The following DIS3L2 variants were observed in gnomAD, a reference collection of about 807,000 sequenced individuals.
DIS3L2 encodes DIS3 like 3'-5' exoribonuclease 2, also known as DIS3-like exonuclease 2.
Under a neutral mutation model 97.5 loss-of-function variants are expected in DIS3L2, and 34 were observed. The observed-to-expected ratio is 0.35, with a 90% CI of 0.27 to 0.46. The LOEUF is 0.46. Among genes scored for constraint, DIS3L2 ranks in the 20% least tolerant of loss-of-function variants. The probability of loss-of-function intolerance (pLI) is 1.00; values close to 1 mark genes in which losing one functional copy is unlikely to be tolerated. For synonymous variants in DIS3L2, 435 were observed against 445.2 expected (o/e 0.98, Z 0.29); for missense variants, 1,038 against 1,146.0 (o/e 0.91, Z 1.36).
intron 13 of DIS3L2, among the ~76,000 whole-genome samples, chr2:232,291,328 A>G (rs1694593308): frequency 6.6e-6 from 1 of 152,266 alleles, no homozygotes; most frequent in African/African-American, 2.4e-5. Context: ...TTTTCTTCTA[A>G]TCAGATTTTT....
intron 6 of DIS3L2, among the ~76,000 whole-genome samples, chr2:232,092,657 A>G (rs548315908): frequency 3.3e-5 from 5 of 152,280 alleles, no homozygotes; most frequent in Admixed American, 1.3e-4. Flanking sequence ...ATTTATAACT[A>G]TTGTAAATGG....
chr2:232,052,212 C>T (rs190758034), intron 5 of DIS3L2, among the ~76,000 whole-genome samples: 80 of 152,108 alleles, frequency 5.3e-4, no homozygotes, highest in African/African-American at 1.5e-3. Flanking sequence ...TTAGTAGAGA[C>T]GGGGTTTTGC....
chr2:232,226,608 G>C lies in DIS3L2; in HGVS notation c.1205-11925G>C, dbSNP rs1419082155. 2.6e-5 allele frequency among the ~76,000 whole-genome samples: 4 copies of C among 152,194 alleles called. No individual in the cohort carries two copies. The East Asian group carries it at 7.7e-4, about 29-fold the overall frequency. On this transcript the variant is annotated intron_variant, in intron 10 of 20. Transcript: ENST00000325385. The stretch of plus-strand genomic sequence containing the variant: ...AGTGAGAGAGGCTACAAGTGAACTT[G>C]AGCGTGTGTCATGAGGACAGGACAT...
chr2:232,260,447 C>T (rs1233088027), intron 12 of DIS3L2: 1 of 152,268 alleles, frequency 6.6e-6, no homozygotes, highest in African/African-American at 2.4e-5. Context: ...CAGGTGGTAC[C>T]TGGAATTGAC....
At chr2:232,009,603 A>AGGCTT (rs1169930587) in intron 1 of DIS3L2, among the ~76,000 whole-genome samples, 1 of 152,040 alleles carries the variant, frequency 6.6e-6, no homozygotes, top group Non-Finnish European at 1.5e-5. Flanking sequence ...GGTTTTTGTG[A>AGGCTT]GGCTTGGAGA....
intron 14 of DIS3L2, among the ~76,000 whole-genome samples, chr2:232,317,133 T>C (rs1695297981): frequency 6.6e-6 from 1 of 152,238 alleles, no homozygotes; most frequent in South Asian, 2.1e-4. Flanking sequence ...GAAACACATT[T>C]GTGGGTAGAG....
chr2:232,110,571 A>G (rs3100594), intron 6 of DIS3L2, among the ~76,000 whole-genome samples: 71,069 of 152,080 alleles, frequency 0.47, 19,179 homozygotes, highest in Non-Finnish European at 0.61. Flanking sequence ...GCTGGAGGCC[A>G]TTATCCTTTA....
At chr2:232,013,274 G>C (rs1346963263) in intron 1 of DIS3L2, among the ~76,000 whole-genome samples, 1 of 152,144 alleles carries the variant, frequency 6.6e-6, no homozygotes, top group Non-Finnish European at 1.5e-5. Flanking sequence ...CCTGTACCAG[G>C]TTAATTTTTC....
At chr2:232,138,232 C>G (rs1698414189) in intron 8 of DIS3L2, among the ~76,000 whole-genome samples, 1 of 151,878 alleles carries the variant, frequency 6.6e-6, no homozygotes, top group Admixed American at 6.6e-5. Flanking sequence ...CATCAGGAAC[C>G]CTTTTCTTGA....
chr2:232,260,891 C>G lies in DIS3L2; in HGVS notation c.1426-2316C>G, dbSNP rs998273935. On this transcript the variant is annotated intron_variant, in intron 12 of 20. Coordinates refer to ENST00000325385, the MANE Select transcript of DIS3L2 (RefSeq NM_152383.5). The stretch of plus-strand genomic sequence containing the variant: ...CCATGGGGAATGCCTACATACTCTT[C>G]AACTGGCTTTTTCGGAAAGCATTGT... Among the ~76,000 whole-genome samples the G allele has an allele frequency of 9.9e-5, 15 of 152,254 alleles. No individual in the cohort carries two copies. The South Asian group carries it at 2.5e-3, about 25-fold the overall frequency.
intron 1 of DIS3L2, among the ~76,000 whole-genome samples, chr2:231,967,850 T>C (rs1171273608): frequency 1.3e-5 from 2 of 152,188 alleles, no homozygotes; most frequent in East Asian, 1.9e-4. Flanking sequence ...CAATTTGTGT[T>C]GTGTAGGATT....
At chr2:232,237,295 A>G (rs1692958946) in intron 10 of DIS3L2, among the ~76,000 whole-genome samples, 1 of 152,192 alleles carries the variant, frequency 6.6e-6, no homozygotes, top group Non-Finnish European at 1.5e-5. Flanking sequence ...TCACCTGACC[A>G]ACTCTCTGGT....
At chr2:232,079,255 A>G (rs1046961403) in intron 5 of DIS3L2, among the ~76,000 whole-genome samples, 2 of 152,166 alleles carry the variant, frequency 1.3e-5, no homozygotes, top group East Asian at 3.8e-4. Flanking sequence ...AACAGAAAGT[A>G]AATAAGGAGA....
chr2:232,063,850 A>G (rs921351115), intron 5 of DIS3L2, among the ~76,000 whole-genome samples: 1 of 152,168 alleles, frequency 6.6e-6, no homozygotes, highest in Non-Finnish European at 1.5e-5. Context: ...AAGTGGGAGT[A>G]ATTTGATGCC....
At chr2:232,324,214 AG>A (rs897146010) in intron 14 of DIS3L2, among the ~76,000 whole-genome samples, 39 of 152,244 alleles carry the variant, frequency 2.6e-4, no homozygotes, top group African/African-American at 8.9e-4. Flanking sequence ...GGCAGAGCCC[AG>A]GGCTCTGGAG....
chr2:232,343,254 G>A (rs771237236), intron 13 of DIS3L2: 5 of 1,096,600 alleles, frequency 4.6e-6, no homozygotes, highest in Non-Finnish European at 6.6e-6. Flanking sequence ...AGCTGACGCA[G>A]GCTGAGTAGG....
At chr2:232,142,185 G>A (rs146813903) in intron 8 of DIS3L2, among the ~76,000 whole-genome samples, 69 of 152,218 alleles carry the variant, frequency 4.5e-4, no homozygotes, top group African/African-American at 1.6e-3. Context: ...GGACCTGGCC[G>A]GCTAGGAGGC....
chr2:232,223,827 G>A (rs1422608610), intron 10 of DIS3L2, among the ~76,000 whole-genome samples: 1 of 152,170 alleles, frequency 6.6e-6, no homozygotes, highest in Non-Finnish European at 1.5e-5. Context: ...AGTGGCTCAC[G>A]CCTGTAATCC....
At chr2:232,091,862 T>G (rs1456230868) in intron 6 of DIS3L2, among the ~76,000 whole-genome samples, 2 of 152,228 alleles carry the variant, frequency 1.3e-5, no homozygotes, top group East Asian at 1.9e-4. Context: ...TGAGATGATA[T>G]CTCATTGCAG....
Sources: gnomAD v4.1 joint callset for allele counts (sites outside exome capture counted in the v4.1 genomes callset) on GRCh38, gnomAD v4.1.1 for gene constraint, MANE v1.5 for transcripts, NCBI Gene and HGNC (gene_info 2026-07-23, HGNC 2026-07-21) for gene names.